The following SCN2A variants were observed in gnomAD, a reference collection of about 807,000 sequenced individuals.
SCN2A encodes the protein sodium channel protein type 2 subunit alpha.
A neutral mutation model predicts 188.7 loss-of-function variants in SCN2A; 20 were observed. The observed-to-expected ratio is 0.11, with a 90% CI of 0.07 to 0.15. The LOEUF (loss-of-function observed/expected upper bound fraction) is 0.15, where lower values mean the gene tolerates loss of function less well. Ranked by LOEUF, SCN2A falls within the 10% of genes least tolerant of loss-of-function variation. The pLI is 1.00. For missense variants in SCN2A, 1,278 were observed against 2,445.0 expected (o/e 0.52, Z 10.07); for synonymous variants, 804 against 833.1 (o/e 0.97, Z 0.60).
intron 16 of SCN2A, among the ~76,000 whole-genome samples, chr2:165,346,008 C>A (rs1699565343): frequency 6.6e-6 from 1 of 152,114 alleles, no homozygotes; most frequent in South Asian, 2.1e-4. Flanking sequence ...GTTGAAAATT[C>A]TTTTCTTTAA....
intron 1 of SCN2A, among the ~76,000 whole-genome samples, chr2:165,293,671 G>A (rs1479868168): frequency 6.6e-6 from 1 of 152,068 alleles, no homozygotes; most frequent in African/African-American, 2.4e-5. Flanking sequence ...CTTTAAATTT[G>A]AATTCTTTAT....
intron 1 of SCN2A, among the ~76,000 whole-genome samples, chr2:165,295,150 A>G (rs1696438215): frequency 6.6e-6 from 1 of 152,132 alleles, no homozygotes; most frequent in African/African-American, 2.4e-5. Context: ...AGCAGTTCCA[A>G]ACACAACCAG....
chr2:165,262,185 CAT>C (rs10531875), intron 1 of SCN2A, among the ~76,000 whole-genome samples: 55,736 of 151,718 alleles, frequency 0.37, 10,532 homozygotes, highest in African/African-American at 0.46. Flanking sequence ...CACAGGTAAA[CAT>C]GTGTGATGAG....
chr2:165,371,912 A>G (rs1415231845), intron 20 of SCN2A: 1 of 152,184 alleles, frequency 6.6e-6, no homozygotes, highest in Non-Finnish European at 1.5e-5. Flanking sequence ...GAGAAGGCCT[A>G]TATGTATCTT....
At chr2:165,310,646 A>G (rs1264137015) in intron 7 of SCN2A, 51 bp downstream of exon 7, 3 of 1,275,424 alleles carry the variant, frequency 2.4e-6, no homozygotes, top group East Asian at 5.2e-5. Context: ...TAAATATTAA[A>G]TATTATATAT....
Position 165,373,207 on chromosome 2 carries a change from G to T in SCN2A, c.3850-18G>T, listed in dbSNP as rs370802727. The T allele has an allele frequency of 6.2e-7, 1 of 1,612,384 alleles. No individual in the cohort carries two copies. The highest frequency in any genetic ancestry group is 8.5e-7 in the Non-Finnish European group (1 of 1,178,608). ...TTTTATATGTAAATAAGAAAATTGT[G>T]TTGCTTTTTCTGTATAGGTCTCACT... On this transcript the variant is annotated intron_variant, in intron 20 of 26. Coordinates refer to ENST00000375437, the MANE Select transcript of SCN2A (RefSeq NM_001040142.2).
chr2:165,334,366 TA>T (rs1698864150), intron 14 of SCN2A, among the ~76,000 whole-genome samples: 1 of 151,718 alleles, frequency 6.6e-6, no homozygotes, highest in South Asian at 2.1e-4. Context: ...CATATGAACA[TA>T]GGCACAACAA....
intron 3 of SCN2A, among the ~76,000 whole-genome samples, chr2:165,302,942 T>C (rs1304633044): frequency 6.6e-6 from 1 of 152,234 alleles, no homozygotes; most frequent in Non-Finnish European, 1.5e-5. Flanking sequence ...CCCACTGTTA[T>C]GTATACCTGG....
chr2:165,291,519 C>CTTTT (rs1270743491), intron 1 of SCN2A, among the ~76,000 whole-genome samples: 1,544 of 50,996 alleles, frequency 0.03, 51 homozygotes, highest in Admixed American at 0.061. Flanking sequence ...TTCTTCCTCT[C>CTTTT]CTTTCTTTCC....
chr2:165,363,275 A>C (rs1392289057), intron 17 of SCN2A, among the ~76,000 whole-genome samples: 3 of 152,108 alleles, frequency 2.0e-5, no homozygotes, highest in Non-Finnish European at 1.5e-5. Context: ...CAGCCTGAGC[A>C]TTTGCAGAAC....
chr2:165,389,925 T>A lies in SCN2A; in HGVS notation c.*101T>A, dbSNP rs1702065077. The A allele has an allele frequency of 3.3e-6, 5 of 1,515,156 alleles. No individual in the cohort carries two copies. Among genetic ancestry groups the A allele is most frequent in the Non-Finnish European group, 4.4e-6 (5 of 1,140,000 alleles). 93.9% of individuals were successfully genotyped at this position (1,515,156 alleles called of 1,614,324 possible). A position where few individuals can be genotyped will look rare whatever the true frequency, so the allele number is the denominator to read the frequency against. On this transcript the variant is annotated 3_prime_UTR_variant, in exon 27 of 27. Transcript: ENST00000375437. This position sits in a 1 kb window ranked among gnomAD's most constrained non-coding sequence, Gnocchi z 4.2. Reference sequence around the variant, plus strand: ...CTCCCACAGGAGGTCTATGCCAAACTGACTGTTTTTACAAATGTATACTTA... The same window carrying A: ...CTCCCACAGGAGGTCTATGCCAAACAGACTGTTTTTACAAATGTATACTTA...
chr2:165,256,000 C>CT (rs765804959), intron 1 of SCN2A, among the ~76,000 whole-genome samples: 18,358 of 88,272 alleles, frequency 0.21, 2,363 homozygotes, highest in East Asian at 0.28. Flanking sequence ...GGGCTCTTTT[C>CT]TTTTTTTTTT....
At chr2:165,248,357 A>G (rs1693945765) in intron 1 of SCN2A, among the ~76,000 whole-genome samples, 1 of 151,920 alleles carries the variant, frequency 6.6e-6, no homozygotes, top group African/African-American at 2.4e-5. Context: ...TCTTTCCCTC[A>G]TTCACTTTCA....
chr2:165,367,463 G>A (rs989579229), intron 19 of SCN2A, 92 bp downstream of exon 19: 6 of 1,372,980 alleles, frequency 4.4e-6, no homozygotes, highest in Middle Eastern at 1.8e-4. Flanking sequence ...TTAAATTAAG[G>A]TGTTTGTAAG....
At chr2:165,242,524 G>C (rs546572892) in intron 1 of SCN2A, among the ~76,000 whole-genome samples, 1 of 152,280 alleles carries the variant, frequency 6.6e-6, no homozygotes, top group African/African-American at 2.4e-5. Context: ...TTTAAGAGAA[G>C]AGGTTTAGTT....
At chr2:165,269,894 A>G (rs1695031076) in intron 1 of SCN2A, 1 of 151,942 alleles carries the variant, frequency 6.6e-6, no homozygotes, top group South Asian at 2.1e-4. Flanking sequence ...ATTTCTTATC[A>G]GTGATAATTC....
At chr2:165,357,828 C>G (rs117492345) in intron 17 of SCN2A, among the ~76,000 whole-genome samples, 1 of 152,112 alleles carries the variant, frequency 6.6e-6, no homozygotes, top group African/African-American at 2.4e-5. Context: ...TTTTAACCAG[C>G]CAGAGGCTCG....
At position 165,374,675 on chromosome 2, in the gene SCN2A, C is replaced by T. The variant is rs772702568; in HGVS notation, c.3973-10C>T. On this transcript the variant is annotated splice_polypyrimidine_tract_variant and intron_variant, in intron 21 of 26. Coordinates refer to ENST00000375437, the MANE Select transcript of SCN2A (RefSeq NM_001040142.2). ...CTTTTCACTTATTTTTCCTTCTCAT[C>T]CTGTGCCAGGTTGTTGTAAATGCTC... 18 of 1,612,342 alleles carry T rather than the reference C, an allele frequency of 1.1e-5. No individual in the cohort carries two copies. The highest frequency in any genetic ancestry group is 1.4e-5 in the Non-Finnish European group (17 of 1,179,090).
At chr2:165,372,975 T>C (rs1271903030) in intron 20 of SCN2A, 5 of 370,584 alleles carry the variant, frequency 1.3e-5, no homozygotes, top group Non-Finnish European at 2.5e-5. Context: ...ATATATGGGC[T>C]TCTTTTTTAT....
Sources: allele counts gnomAD v4.1 joint callset (sites outside exome capture counted in the v4.1 genomes callset), GRCh38; gene constraint gnomAD v4.1.1; non-coding constraint Gnocchi (gnomAD v3.1); transcripts MANE v1.5; gene names NCBI Gene and HGNC (gene_info 2026-07-23, HGNC 2026-07-21).